The following PTN variants were observed in gnomAD, a reference collection of about 807,000 sequenced individuals.
PTN encodes the protein heparin affin regulatory protein.
PTN carries 18 observed loss-of-function variants against 24.1 expected under a neutral mutation model. That is an observed-to-expected ratio of 0.75 (90% CI 0.52 to 1.11). The LOEUF is 1.11. Ranked by LOEUF, PTN falls within the 50% of genes least tolerant of loss-of-function variation. The probability of loss-of-function intolerance (pLI) is 0.00; values close to 1 mark genes in which losing one functional copy is unlikely to be tolerated. For missense variants in PTN, 163 were observed against 198.8 expected (o/e 0.82, Z 1.08); for synonymous variants, 78 against 68.6 (o/e 1.14, Z -0.67).
At chr7:137,293,698 C>T (rs1018542156) in intron 1 of PTN, among the ~76,000 whole-genome samples, 6 of 152,158 alleles carry the variant, frequency 3.9e-5, no homozygotes, top group Middle Eastern at 3.4e-3. Context: ...TACTCCCTGC[C>T]GCCGCACATG....
intron 1 of PTN, 100 bp downstream of exon 1, chr7:137,343,339 C>T (rs1021790123): frequency 5.1e-5 from 20 of 395,446 alleles, no homozygotes; most frequent in Non-Finnish European, 5.6e-5. Context: ...CCTCTCTCAC[C>T]CCTACCACCA....
intron 4 of PTN, among the ~76,000 whole-genome samples, chr7:137,247,433 C>A (rs575118410): frequency 6.6e-6 from 1 of 152,090 alleles, no homozygotes; most frequent in Non-Finnish European, 1.5e-5. Context: ...AGAAACATTG[C>A]GTGTACTCAC....
intron 1 of PTN, among the ~76,000 whole-genome samples, chr7:137,314,978 T>C (rs767963640): frequency 1.1e-4 from 16 of 152,204 alleles, no homozygotes; most frequent in Non-Finnish European, 1.0e-4. Flanking sequence ...CTATTATTCA[T>C]GTTCATTCTC....
At chr7:137,245,513 T>C (rs1808707802) in intron 4 of PTN, among the ~76,000 whole-genome samples, 1 of 152,246 alleles carries the variant, frequency 6.6e-6, no homozygotes, top group South Asian at 2.1e-4. Flanking sequence ...ATAGTCATAA[T>C]ACTTGAGAGT....
Position 137,236,333 on chromosome 7 carries a change from G to A in PTN, c.452-8258C>T. The stretch of plus-strand genomic sequence containing the variant: ...TTCTTTACACAGTAGAGTCAGGGGT[G>A]GGGGAATCAGCCACACATGAGCGTG... On this transcript the variant is annotated intron_variant, in intron 4 of 4. Coordinates refer to ENST00000348225, the MANE Select transcript of PTN (RefSeq NM_002825.7). The A allele has an allele frequency of 4.3e-6, 3 of 694,888 alleles. No homozygotes were observed. In the South Asian group the frequency reaches 4.5e-5, roughly 10 times the overall value. The allele number at this position is 694,888 out of a possible 1,614,324, so 43.0% of individuals were successfully genotyped here. A position where few individuals can be genotyped will look rare whatever the true frequency, so the allele number is the denominator to read the frequency against.
At chr7:137,242,497 A>G (rs899748027) in intron 4 of PTN, among the ~76,000 whole-genome samples, 1 of 152,172 alleles carries the variant, frequency 6.6e-6, no homozygotes, top group African/African-American at 2.4e-5. Flanking sequence ...CCCAAAAACA[A>G]TCTGAGAATT....
intron 1 of PTN, among the ~76,000 whole-genome samples, chr7:137,279,508 A>T (rs1809430034): frequency 1.3e-5 from 2 of 152,246 alleles, no homozygotes; most frequent in Non-Finnish European, 2.9e-5. Flanking sequence ...TTAGTCTAAT[A>T]TAGCAGATTA....
At position 137,322,748 on chromosome 7, in the gene PTN, T is replaced by C. The variant is rs371509973; in HGVS notation, c.-2+20691A>G. Among the ~76,000 whole-genome samples the C allele has an allele frequency of 3.2e-4, 48 of 152,306 alleles. No individual in the cohort carries two copies. The South Asian group carries it at 9.3e-3, about 30-fold the overall frequency. On this transcript the variant is annotated intron_variant, in intron 1 of 4. Transcript: ENST00000348225. The stretch of plus-strand genomic sequence containing the variant: ...ACAATACAGAATAAGCATTTTTCCG[T>C]GCCTTGGCAAATCATCATACACCTT...
intron 1 of PTN, among the ~76,000 whole-genome samples, chr7:137,331,640 A>C (rs1002785340): frequency 6.6e-6 from 1 of 152,210 alleles, no homozygotes; most frequent in Non-Finnish European, 1.5e-5. Flanking sequence ...CTGATCTTGC[A>C]GTTTACCCAC....
At chr7:137,268,142 C>T (rs1240521112) in intron 1 of PTN, among the ~76,000 whole-genome samples, 3 of 152,100 alleles carry the variant, frequency 2.0e-5, no homozygotes, top group Non-Finnish European at 2.9e-5. Context: ...TCAGCCACTG[C>T]GTTGATCCTC....
At chr7:137,293,918 G>C (rs1428889732) in intron 1 of PTN, among the ~76,000 whole-genome samples, 1 of 152,036 alleles carries the variant, frequency 6.6e-6, no homozygotes, top group Non-Finnish European at 1.5e-5. Context: ...GACTGTCTGT[G>C]CTATGACCTC....
chr7:137,273,412 AG>A (rs1396110883), intron 1 of PTN, among the ~76,000 whole-genome samples: 1 of 152,204 alleles, frequency 6.6e-6, no homozygotes, highest in Non-Finnish European at 1.5e-5. Context: ...TAAAGGAAAA[AG>A]GTTTAACTCA....
At chr7:137,329,002 G>GA (rs1373944125) in intron 1 of PTN, among the ~76,000 whole-genome samples, 1 of 152,148 alleles carries the variant, frequency 6.6e-6, no homozygotes, top group African/African-American at 2.4e-5. Flanking sequence ...AGAAGAGTAT[G>GA]ACGTTTAAGA....
intron 4 of PTN, among the ~76,000 whole-genome samples, chr7:137,228,444 AT>A (rs1808372063): frequency 6.6e-6 from 1 of 151,742 alleles, no homozygotes; most frequent in African/African-American, 2.4e-5. Flanking sequence ...CTCTTAGTAA[AT>A]TACCCAGGTC....
At chr7:137,279,145 C>G (rs1809423651) in intron 1 of PTN, among the ~76,000 whole-genome samples, 2 of 151,654 alleles carry the variant, frequency 1.3e-5, no homozygotes, top group Non-Finnish European at 2.9e-5. Context: ...TAAACAAAAA[C>G]ATTAAAATCT....
intron 2 of PTN, 110 bp downstream of exon 2, chr7:137,254,749 G>T: frequency 1.7e-6 from 1 of 592,624 alleles, no homozygotes; most frequent in Non-Finnish European, 2.7e-6. Context: ...AAGGAATAGA[G>T]GAATAGGAAG....
intron 4 of PTN, among the ~76,000 whole-genome samples, chr7:137,231,209 A>G (rs1160245611): frequency 6.6e-6 from 1 of 151,948 alleles, no homozygotes; most frequent in Non-Finnish European, 1.5e-5. Flanking sequence ...TGATTAGTAA[A>G]GCTTTAGTGA....
intron 1 of PTN, among the ~76,000 whole-genome samples, chr7:137,306,846 G>T (rs768874888): frequency 6.6e-6 from 1 of 152,074 alleles, no homozygotes; most frequent in Non-Finnish European, 1.5e-5. Flanking sequence ...TTATTAGGTA[G>T]CCAGGACTAA....
At chr7:137,272,574 T>C (rs1809292883) in intron 1 of PTN, among the ~76,000 whole-genome samples, 1 of 152,240 alleles carries the variant, frequency 6.6e-6, no homozygotes, top group South Asian at 2.1e-4. Flanking sequence ...CCATAAAATG[T>C]GGCATATAAA....
Sources: gnomAD v4.1 joint callset for allele counts (sites outside exome capture counted in the v4.1 genomes callset) on GRCh38, gnomAD v4.1.1 for gene constraint, MANE v1.5 for transcripts, NCBI Gene and HGNC (gene_info 2026-07-23, HGNC 2026-07-21) for gene names.